The following HPSE2 variants were observed in gnomAD, a reference collection of about 807,000 sequenced individuals.
HPSE2 encodes the protein heparanase 2 (inactive), also known as inactive heparanase-2.
In HPSE2, 38 loss-of-function variants were observed where a neutral mutation model predicts 60.5. The ratio of observed to expected loss-of-function variants is 0.63; its 90% CI spans 0.48 to 0.82. The LOEUF is 0.82. Among genes scored for constraint, HPSE2 ranks in the 40% least tolerant of loss-of-function variants. The pLI, the probability that HPSE2 is intolerant of heterozygous loss-of-function variation, is 0.00. For missense variants in HPSE2, 713 were observed against 740.4 expected (o/e 0.96, Z 0.43); for synonymous variants, 295 against 293.2 (o/e 1.01, Z -0.06).
chr10:98,574,527 A>G (rs1355424725), intron 9 of HPSE2, among the ~76,000 whole-genome samples: 1 of 152,206 alleles, frequency 6.6e-6, no homozygotes, highest in African/African-American at 2.4e-5. Context: ...GTCCAAATGG[A>G]ATTGGGCAGG....
At chr10:99,311,720 G>A in the HPSE2 span, among the ~76,000 whole-genome samples, 1 of 152,152 alleles carries the variant, frequency 6.6e-6, no homozygotes, top group Non-Finnish European at 1.5e-5. Flanking sequence ...TCAAATGAAA[G>A]GAAGAGCAAC....
intron 3 of HPSE2, among the ~76,000 whole-genome samples, chr10:99,040,067 C>T (rs1957702783): frequency 6.6e-6 from 1 of 152,178 alleles, no homozygotes; most frequent in East Asian, 1.9e-4. Flanking sequence ...TACATACACA[C>T]ATATTTGTAT....
Position 98,458,964 on chromosome 10 carries a change from C to G in HPSE2, c.*610G>C, listed in dbSNP as rs1060446. On this transcript the variant is annotated 3_prime_UTR_variant, in exon 12 of 12. Coordinates refer to ENST00000370552, the MANE Select transcript of HPSE2 (RefSeq NM_021828.5). The stretch of plus-strand genomic sequence containing the variant: ...AACTGCCAGTGATGGATGCCACTGT[C>G]AGGAACCCAGATGCGCACGCTCATA... 0.52 allele frequency: 82,605 copies of G among 157,810 alleles called. 22,034 individuals are homozygous for G. Among genetic ancestry groups the G allele is most frequent in the African/African-American group, 0.62 (25,533 of 41,508 alleles). 9.8% of individuals were successfully genotyped at this position (157,810 alleles called of 1,614,324 possible). A position where few individuals can be genotyped will look rare whatever the true frequency, so the allele number is the denominator to read the frequency against.
At chr10:98,763,391 T>C (rs898466890) in intron 3 of HPSE2, among the ~76,000 whole-genome samples, 1 of 151,620 alleles carries the variant, frequency 6.6e-6, no homozygotes, top group Non-Finnish European at 1.5e-5. Context: ...ACAAAACCCA[T>C]ACATACCCAG....
chr10:98,966,749 T>C (rs4306239), intron 3 of HPSE2, among the ~76,000 whole-genome samples: 37 of 152,250 alleles, frequency 2.4e-4, no homozygotes, highest in African/African-American at 8.4e-4. Context: ...TAACAATATA[T>C]TGCATTTTTC....
chr10:98,579,468 C>A (rs1564984378), intron 9 of HPSE2, among the ~76,000 whole-genome samples: 1 of 152,132 alleles, frequency 6.6e-6, no homozygotes, highest in Non-Finnish European at 1.5e-5. Context: ...GCAAGTCACT[C>A]AGCTTTGCCT....
At chr10:98,607,215 C>T (rs1477525490) in intron 9 of HPSE2, among the ~76,000 whole-genome samples, 1 of 152,108 alleles carries the variant, frequency 6.6e-6, no homozygotes, top group South Asian at 2.1e-4. Flanking sequence ...TTGCTCCTCG[C>T]TGTCTGCACG....
intron 9 of HPSE2, among the ~76,000 whole-genome samples, chr10:98,561,095 G>C (rs1417730897): frequency 6.6e-6 from 1 of 151,984 alleles, no homozygotes; most frequent in African/African-American, 2.4e-5. Context: ...AGAGCTCCAG[G>C]CCATGGAACT....
rs370324215 is a variant in HPSE2, at chr10:98,640,377, C to A, written c.1098+1470G>T. ...ACAGATAAGGGTGCTGGCCAATGCA[C>A]CTGATCCCTGGAGGGATCAGATTGG... is the stretch of plus-strand genomic sequence containing the variant. On this transcript the variant is annotated intron_variant, in intron 7 of 11. Transcript: ENST00000370552. 1.7e-3 allele frequency among the ~76,000 whole-genome samples: 261 copies of A among 152,304 alleles called. 14 individuals are homozygous for A. In the South Asian group the frequency reaches 0.052, roughly 31 times the overall value.
intron 3 of HPSE2, among the ~76,000 whole-genome samples, chr10:98,845,810 TG>T (rs1952020767): frequency 6.6e-6 from 1 of 152,212 alleles, no homozygotes; most frequent in Non-Finnish European, 1.5e-5. Context: ...GGTTGGGAAC[TG>T]GGTAATTTGC....
rs774430903 is a variant in HPSE2 at position 98,614,951 on chromosome 10, C to T, written c.1273G>A (p.Asp425Asn). 1.9e-5 allele frequency: 30 copies of T among 1,613,982 alleles called. No homozygotes were observed. The highest frequency in any genetic ancestry group is 2.1e-5 in the Non-Finnish European group (25 of 1,179,940). ...IDVVIRHSFF[D>N]HGYNHLVDQN... Reference sequence around the variant, plus strand: ...TCCACGAGGTGATTGTATCCATGGTCAAAAAATGAGTGCCGTATCACGACA... The same window carrying T: ...TCCACGAGGTGATTGTATCCATGGTTAAAAAATGAGTGCCGTATCACGACA... The change falls in exon 9 of 12, where the codon GAC becomes AAC. Residue 425 changes from aspartate to asparagine, a missense_variant. Coordinates refer to ENST00000370552, the MANE Select transcript of HPSE2 (RefSeq NM_021828.5).
chr10:99,071,112 C>G (rs997765949), intron 3 of HPSE2, among the ~76,000 whole-genome samples: 8 of 150,468 alleles, frequency 5.3e-5, no homozygotes, highest in African/African-American at 2.0e-4. Flanking sequence ...TCTTGTCACC[C>G]AGGCTGAAGT....
chr10:98,789,698 G>A (rs901591315), intron 3 of HPSE2, among the ~76,000 whole-genome samples: 1 of 152,130 alleles, frequency 6.6e-6, no homozygotes, highest in African/African-American at 2.4e-5. Flanking sequence ...GCTGTCTATT[G>A]ACCTCATTTC....
chr10:99,267,119 T>C, the HPSE2 span, among the ~76,000 whole-genome samples: 2 of 152,022 alleles, frequency 1.3e-5, no homozygotes, highest in Admixed American at 6.6e-5. Flanking sequence ...AAGATCACAC[T>C]AGCTCACCTC....
At chr10:99,290,784 T>C in the HPSE2 span, among the ~76,000 whole-genome samples, 2 of 152,126 alleles carry the variant, frequency 1.3e-5, no homozygotes, top group African/African-American at 4.8e-5. Context: ...ATCTCAAAGG[T>C]CTAATTCAAC....
chr10:98,868,863 G>T (rs1952660428), intron 3 of HPSE2, among the ~76,000 whole-genome samples: 1 of 152,050 alleles, frequency 6.6e-6, no homozygotes. Flanking sequence ...GTTTACTAGA[G>T]GAGTTTTTGA....
In HPSE2 at chr10:98,511,239, C is replaced by T. The variant is rs12569381; in HGVS notation, c.1321-21043G>A. ...GATCTTGGCTCACTGCAACCTCTGC[C>T]TCCCAGATTCAAGCGATTCTCTTGC... On this transcript the variant is annotated intron_variant, in intron 9 of 11. Coordinates refer to ENST00000370552, the MANE Select transcript of HPSE2 (RefSeq NM_021828.5). 9.9e-5 allele frequency among the ~76,000 whole-genome samples: 15 copies of T among 152,036 alleles called. No homozygotes were observed. In the East Asian group the frequency reaches 1.9e-3, roughly 20 times the overall value.
chr10:98,477,952 G>A (rs1941089377), intron 11 of HPSE2, among the ~76,000 whole-genome samples: 1 of 152,178 alleles, frequency 6.6e-6, no homozygotes, highest in Non-Finnish European at 1.5e-5. Context: ...AGAATCTAAT[G>A]CCTAATGATC....
At chr10:99,072,025 G>GC (rs1453970563) in intron 3 of HPSE2, among the ~76,000 whole-genome samples, 3 of 145,716 alleles carry the variant, frequency 2.1e-5, no homozygotes, top group Non-Finnish European at 4.5e-5. Context: ...AACTTTGTTT[G>GC]TTTTTTTTTT....
Sources: allele counts gnomAD v4.1 joint callset (sites outside exome capture counted in the v4.1 genomes callset), GRCh38; gene constraint gnomAD v4.1.1; transcripts MANE v1.5; gene names NCBI Gene and HGNC (gene_info 2026-07-23, HGNC 2026-07-21).